The following DIABLO variants were observed in gnomAD, a reference collection of about 807,000 sequenced individuals.
DIABLO encodes the protein diablo IAP-binding mitochondrial protein, also known as diablo homolog, mitochondrial.
A neutral mutation model predicts 31.7 loss-of-function variants in DIABLO; 32 were observed. That is an observed-to-expected ratio of 1.01 (90% CI 0.76 to 1.35). The LOEUF (loss-of-function observed/expected upper bound fraction) is 1.35, where lower values mean the gene tolerates loss of function less well. Ranked by LOEUF, DIABLO falls within the 40% of genes most tolerant of loss-of-function variation. The pLI, the probability that DIABLO is intolerant of heterozygous loss-of-function variation, is 0.00. For missense variants in DIABLO, 316 were observed against 286.4 expected (o/e 1.10, Z -0.75); for synonymous variants, 132 against 103.2 (o/e 1.28, Z -1.69).
chr12:122,224,970 A>C, intron 1 of DIABLO: 2 of 569,548 alleles, frequency 3.5e-6, no homozygotes, highest in Non-Finnish European at 5.4e-6. Context: ...AAATAAGTAA[A>C]TAAAGGCCGA....
At chr12:122,226,388 G>T (rs1406454071), upstream of DIABLO, 7 of 681,380 alleles carry the variant, frequency 1.0e-5, no homozygotes, top group East Asian at 1.9e-4. Context: ...GGCGGGAGGC[G>T]GGGCCGGGCG....
At position 122,214,906 on chromosome 12, in the gene DIABLO, G is replaced by A. The variant is rs200019102; in HGVS notation, c.523+1582C>T. 2.0e-5 allele frequency among the ~76,000 whole-genome samples: 3 copies of A among 152,198 alleles called. No individual in the cohort carries two copies. The East Asian group carries it at 5.8e-4, about 30-fold the overall frequency. On this transcript the variant is annotated intron_variant, in intron 5 of 5. Transcript: ENST00000464942. Reference sequence around the variant, plus strand: ...GGGTTTCACCACGGTGGCCAGGGTAGTGTCAAACTCTTGACCTCAAGTGAC... The same window carrying A: ...GGGTTTCACCACGGTGGCCAGGGTAATGTCAAACTCTTGACCTCAAGTGAC...
chr12:122,225,989 G>C lies in DIABLO; in HGVS notation c.26C>G (p.Ser9Trp). Residue 9 changes from serine to tryptophan, a missense_variant, in exon 1 of 6, where the codon TCG becomes TGG. Coordinates refer to ENST00000464942, the MANE Select transcript of DIABLO (RefSeq NM_001371333.1). ...CCTGAAGAATGAAGTTACGCTGCGC[G>C]ACAGCCAACTCTTCAGAGCCGCCAT... Reference protein sequence around the residue: MAALKSWLSRSVTSFFRYR... With the variant: MAALKSWLWRSVTSFFRYR... The C allele has an allele frequency of 3.1e-6, 5 of 1,602,910 alleles. No individual in the cohort carries two copies. Among genetic ancestry groups the C allele is most frequent in the Non-Finnish European group, 3.4e-6 (4 of 1,175,560 alleles).
At chr12:122,210,246 C>T (rs902150445) in intron 5 of DIABLO, among the ~76,000 whole-genome samples, 7 of 152,024 alleles carry the variant, frequency 4.6e-5, no homozygotes, top group Admixed American at 3.3e-4. Flanking sequence ...ACTTTCTTTG[C>T]GCTGGTACAC....
At chr12:122,226,299 G>T, upstream of DIABLO, 1 of 677,538 alleles carries the variant, frequency 1.5e-6, no homozygotes, top group South Asian at 1.6e-5. Context: ...CGGGCGCCGT[G>T]ACGCTGGCGG....
At chr12:122,212,907 G>A (rs1954119905) in intron 5 of DIABLO, among the ~76,000 whole-genome samples, 1 of 151,966 alleles carries the variant, frequency 6.6e-6, no homozygotes, top group South Asian at 2.1e-4. Flanking sequence ...TTACAGGCGT[G>A]AGCCACTGCG....
intron 2 of DIABLO, among the ~76,000 whole-genome samples, chr12:122,224,165 T>A (rs1954394471): frequency 6.6e-6 from 1 of 152,208 alleles, no homozygotes; most frequent in South Asian, 2.1e-4. Context: ...AAAGCTTTTG[T>A]GAGAACAAGA....
At position 122,218,309 on chromosome 12, in the gene DIABLO, TGAGA is replaced by T. The variant is rs763817921; in HGVS notation, c.268_271del (p.Ser90ArgfsTer6). 2 of 1,614,052 alleles carry T rather than the reference TGAGA, an allele frequency of 1.2e-6. No individual in the cohort carries two copies. Among genetic ancestry groups the T allele is most frequent in the African/African-American group, 1.3e-5 (1 of 74,932 alleles). On this transcript the variant is annotated frameshift_variant, in exon 3 of 6. Transcript: ENST00000464942. LOFTEE classifies it high-confidence loss of function. ...AGCTTCAATCAACGCATATGTGGTC[TGAGA>T]GAGAAAGGTAGAGGTGCTATCTGTT... is the stretch of plus-strand genomic sequence containing the variant.
At chr12:122,209,798 A>G (rs1227468569) in intron 5 of DIABLO, 3 of 703,478 alleles carry the variant, frequency 4.3e-6, no homozygotes, top group Non-Finnish European at 7.8e-6. Flanking sequence ...CTTCAGGACA[A>G]TGTTGACAGG....
chr12:122,207,824 G>A lies in DIABLO; in HGVS notation c.*557C>T, dbSNP rs1269914041. ...GTTGAGAGCACCAGGTAAACACTCT[G>A]CACCCCTTCTCTTAGTAGTAATAGG... On this transcript the variant is annotated 3_prime_UTR_variant, in exon 6 of 6. Coordinates refer to ENST00000464942, the MANE Select transcript of DIABLO (RefSeq NM_001371333.1). 8.6e-6 allele frequency: 4 copies of A among 463,188 alleles called. No homozygotes were observed. Among genetic ancestry groups the A allele is most frequent in the African/African-American group, 2.0e-5 (1 of 50,386 alleles). 28.7% of individuals were successfully genotyped at this position (463,188 alleles called of 1,614,324 possible). A position where few individuals can be genotyped will look rare whatever the true frequency, so the allele number is the denominator to read the frequency against.
chr12:122,208,826 A>G, intron 5 of DIABLO: 2 of 603,466 alleles, frequency 3.3e-6, no homozygotes, highest in Admixed American at 2.1e-5. Context: ...ATTAAATGCA[A>G]CTCTCACAAT....
At position 122,218,254 on chromosome 12, in the gene DIABLO, G is replaced by A. The variant is rs768143449; in HGVS notation, c.315+12C>T. The A allele has an allele frequency of 2.2e-5, 36 of 1,613,880 alleles. No individual in the cohort carries two copies. The highest frequency in any genetic ancestry group is 3.1e-5 in the Non-Finnish European group (36 of 1,179,824). ...CATGGTTTAGAAGATCAAGAGTTAA[G>A]AGGAGACATACCTTAGTATATTCAG... On this transcript the variant is annotated intron_variant, in intron 3 of 5. Coordinates refer to ENST00000464942, the MANE Select transcript of DIABLO (RefSeq NM_001371333.1).
intron 5 of DIABLO, among the ~76,000 whole-genome samples, chr12:122,214,547 T>C (rs1212829983): frequency 6.6e-6 from 1 of 152,158 alleles, no homozygotes; most frequent in Non-Finnish European, 1.5e-5. Flanking sequence ...CACCTCTGCC[T>C]CCCGAGTAGC....
chr12:122,211,526 TAAC>T (rs1017173757), intron 5 of DIABLO, among the ~76,000 whole-genome samples: 4 of 151,034 alleles, frequency 2.6e-5, no homozygotes, highest in African/African-American at 9.8e-5. Context: ...CTGGGGAACA[TAAC>T]AAGACACCAA....
upstream of DIABLO, chr12:122,227,246 CACACCAGCTCATCAGACAGTAGGAACCCT>C (rs1193479186): frequency 1.2e-4 from 48 of 393,970 alleles, 1 homozygote; most frequent in South Asian, 3.1e-4. Flanking sequence ...GTAAGAACCC[CACACCAGCTCATCAGACAGTAGGAACCCT>C]ACAACACCTC....
At chr12:122,218,810 G>A (rs1954272311) in intron 2 of DIABLO, 2 of 260,544 alleles carry the variant, frequency 7.7e-6, no homozygotes, top group Admixed American at 5.1e-5. Flanking sequence ...GGCCGTAGTG[G>A]TGTGCGTCTT....
chr12:122,222,769 T>C (rs941942830), intron 2 of DIABLO, among the ~76,000 whole-genome samples: 4 of 152,062 alleles, frequency 2.6e-5, no homozygotes, highest in African/African-American at 7.2e-5. Context: ...CCCTCGCACG[T>C]GTAGTTCACA....
At chr12:122,210,039 ATTTG>A (rs1010565968) in intron 5 of DIABLO, among the ~76,000 whole-genome samples, 3 of 152,306 alleles carry the variant, frequency 2.0e-5, no homozygotes, top group Admixed American at 1.3e-4. Context: ...AGTGAATTAT[ATTTG>A]TTTGAGAAGG....
chr12:122,208,439 T>C lies in DIABLO; in HGVS notation c.662A>G (p.Gln221Arg), dbSNP rs1323281887. The C allele has an allele frequency of 1.9e-6, 3 of 1,613,840 alleles. No individual in the cohort carries two copies. The African/African-American group carries it at 4.0e-5, about 22-fold the overall frequency. The change falls in exon 6 of 6, where the codon CAG becomes CGG. Residue 221 changes from glutamine to arginine, a missense_variant. Gln to Arg is a conservative substitution (Grantham distance 43, BLOSUM62 1). Transcript: ENST00000464942. ...CTCAGCCCGCTCCTCCCCTTCCTCCTGTGTTTTCTGACGGAGCTCTTCTAT... is the reference window on the plus strand; with the variant it reads ...CTCAGCCCGCTCCTCCCCTTCCTCCCGTGTTTTCTGACGGAGCTCTTCTAT... ...AQIEELRQKT[Q>R]EEGEERAESE...
Sources: gnomAD v4.1 joint callset for allele counts (sites outside exome capture counted in the v4.1 genomes callset) on GRCh38, gnomAD v4.1.1 for gene constraint, MANE v1.5 for transcripts, NCBI Gene and HGNC (gene_info 2026-07-23, HGNC 2026-07-21) for gene names.